Variants in AXIN1 observed in about 807,000 individuals in gnomAD.
AXIN1 encodes the protein axin 1.
In AXIN1, 30 loss-of-function variants were observed where a neutral mutation model predicts 76.4. The observed-to-expected ratio is 0.39, with a 90% CI of 0.29 to 0.53. The LOEUF is 0.53. Ranked by LOEUF, AXIN1 falls within the 20% of genes least tolerant of loss-of-function variation. The pLI is 0.66. For missense variants in AXIN1, 1,140 were observed against 1,198.8 expected (o/e 0.95, Z 0.72); for synonymous variants, 545 against 501.4 (o/e 1.09, Z -1.16).
chr16:320,940 G>A lies in AXIN1; in HGVS notation c.879-6257C>T, dbSNP rs113204824. 2.7e-3 allele frequency among the ~76,000 whole-genome samples: 409 copies of A among 151,892 alleles called. 1 individual carries two copies. Among genetic ancestry groups the A allele is most frequent in the Non-Finnish European group, 2.5e-3 (170 of 67,956 alleles). Reference sequence around the variant, plus strand: ...TTTTTAGTAGAGACAAGGTTTCGCCGTGTTGGTCAGGCTGGTCTCGAACGC... The same window carrying A: ...TTTTTAGTAGAGACAAGGTTTCGCCATGTTGGTCAGGCTGGTCTCGAACGC... On this transcript the variant is annotated intron_variant, in intron 2 of 10. Transcript: ENST00000262320.
intron 8 of AXIN1, chr16:292,651 T>C (rs1297921370): frequency 2.0e-5 from 3 of 152,216 alleles, no homozygotes; most frequent in African/African-American, 7.2e-5. Context: ...GGGTGAGCTA[T>C]AGGCTCCCAG....
At chr16:307,008 C>A (rs893381925) in intron 4 of AXIN1, among the ~76,000 whole-genome samples, 1 of 152,234 alleles carries the variant, frequency 6.6e-6, no homozygotes, top group African/African-American at 2.4e-5. Flanking sequence ...GGGGGCCATG[C>A]TGGCTTTTCC....
chr16:315,211 G>T (rs1230744139), intron 2 of AXIN1, among the ~76,000 whole-genome samples: 2 of 152,208 alleles, frequency 1.3e-5, no homozygotes, highest in African/African-American at 4.8e-5. Context: ...TTCCTCCCCA[G>T]CTCCTGGGAC....
At position 291,297 on chromosome 16, in the gene AXIN1, C is replaced by T. The variant is rs577046525; in HGVS notation, c.2187G>A (p.Arg729=). The T allele has an allele frequency of 8.9e-6, 14 of 1,574,954 alleles. No individual in the cohort carries two copies. The highest frequency in any genetic ancestry group is 5.4e-5 in the African/African-American group (4 of 74,626). Residue 729 remains arginine (R), a splice_region_variant and synonymous_variant, in exon 9 of 11, where the codon AGG becomes AGA. Transcript: ENST00000262320. ...CCCGCCGCATAACCTCCTGCACATA[C>T]CTAGGGAACAACCCGCGTCAAAGGT... ...KRASRAPSKQ[R]YVQEVMRRGR...
At chr16:288,889 A>G (rs899005295) in intron 10 of AXIN1, among the ~76,000 whole-genome samples, 9 of 152,224 alleles carry the variant, frequency 5.9e-5, no homozygotes, top group Admixed American at 4.6e-4. Context: ...CACAAGGTTC[A>G]GACCATCGTC....
Position 309,396 on chromosome 16 carries a change from G to A in AXIN1, c.1116+577C>T, listed in dbSNP as rs189318971. Among the ~76,000 whole-genome samples, 21 of 152,260 alleles carry A rather than the reference G, an allele frequency of 1.4e-4. No homozygotes were observed. In the East Asian group the frequency reaches 2.7e-3, roughly 20 times the overall value. On this transcript the variant is annotated intron_variant, in intron 4 of 10. Coordinates refer to ENST00000262320, the MANE Select transcript of AXIN1 (RefSeq NM_003502.4). Reference sequence around the variant, plus strand: ...AAAGATCATTAATCTGTTCATCAGCGCAGGAATGCTCTGTAGACGGAGTCA... The same window carrying A: ...AAAGATCATTAATCTGTTCATCAGCACAGGAATGCTCTGTAGACGGAGTCA...
intron 8 of AXIN1, 108 bp from the exon 9 acceptor site, chr16:291,405 G>A (rs774622347): frequency 5.6e-5 from 52 of 931,022 alleles, no homozygotes; most frequent in Middle Eastern, 6.0e-4. Context: ...TGAAGGGCCC[G>A]AACAACCCAC....
chr16:309,733 G>A (rs2053124906), intron 4 of AXIN1, among the ~76,000 whole-genome samples: 1 of 152,216 alleles, frequency 6.6e-6, no homozygotes, highest in South Asian at 2.1e-4. Context: ...TGGCCTTGGG[G>A]CATGGGGGCT....
chr16:306,665 G>A (rs1459391178), intron 4 of AXIN1, among the ~76,000 whole-genome samples: 1 of 152,260 alleles, frequency 6.6e-6, no homozygotes, highest in African/African-American at 2.4e-5. Context: ...GAGGCTCAGA[G>A]AGAGGCTGGC....
Position 309,985 on chromosome 16 carries a change from TA to T in AXIN1, c.1103del (p.Leu368HisfsTer46). 1 of 1,613,382 alleles carries T rather than the reference TA, an allele frequency of 6.2e-7. No homozygotes were observed. Among genetic ancestry groups the T allele is most frequent in the Non-Finnish European group, 8.5e-7 (1 of 1,179,968 alleles). On this transcript the variant is annotated frameshift_variant, in exon 4 of 11. Coordinates refer to ENST00000262320, the MANE Select transcript of AXIN1 (RefSeq NM_003502.4). LOFTEE classifies it high-confidence loss of function. ...ESVQVNGRVP[L>X]PHIPRTYRVP... is the part of the protein sequence containing the mutation. ...AGCCGGTACTTACGGGAATGTGAGG[TA>T]GGGGCACCCGCCCATTGACCTGCAC...
rs2141459707 is a variant in AXIN1 at position 288,195 on chromosome 16, T to A, written c.2516A>T (p.Glu839Val). The change falls in exon 11 of 11, where the codon GAG becomes GTG. Residue 839 changes from glutamate to valine, a missense_variant. Transcript: ENST00000262320. Reference protein sequence around the residue: ...DEFDCGVVFEEVREDEAVLPV... With the variant: ...DEFDCGVVFEVVREDEAVLPV... ...CAGGACGGCCTCGTCCTCTCGAACC[T>A]CCTCAAACACCACCCCACAGTCAAA... The A allele has an allele frequency of 6.2e-7, 1 of 1,613,698 alleles. No homozygotes were observed. The highest frequency in any genetic ancestry group is 8.5e-7 in the Non-Finnish European group (1 of 1,179,988).
chr16:310,844 C>T (rs887547062), intron 3 of AXIN1, among the ~76,000 whole-genome samples: 2 of 152,230 alleles, frequency 1.3e-5, no homozygotes, highest in African/African-American at 4.8e-5. Flanking sequence ...GTGCAGTGTG[C>T]CTGCCTTGGA....
chr16:314,490 C>T (rs1242648506), intron 3 of AXIN1, 53 bp downstream of exon 3: 5 of 1,609,956 alleles, frequency 3.1e-6, no homozygotes, highest in Admixed American at 3.3e-5. Flanking sequence ...TGTCTGGGAC[C>T]GGACTTACAC....
intron 2 of AXIN1, among the ~76,000 whole-genome samples, chr16:317,828 G>C (rs2053338206): frequency 6.6e-6 from 1 of 152,172 alleles, no homozygotes. Flanking sequence ...AACCACTGCA[G>C]CCAACCTCAG....
chr16:321,874 C>A (rs1040749211), intron 2 of AXIN1, among the ~76,000 whole-genome samples: 2 of 152,220 alleles, frequency 1.3e-5, no homozygotes, highest in African/African-American at 4.8e-5. Flanking sequence ...TTGACGGGCA[C>A]CCTGAATGCT....
At chr16:303,812 A>G (rs1266318257) in intron 5 of AXIN1, among the ~76,000 whole-genome samples, 1 of 152,208 alleles carries the variant, frequency 6.6e-6, no homozygotes, top group African/African-American at 2.4e-5. Flanking sequence ...GTCCTACAAC[A>G]CAAGTGCCTA....
rs150504240 is a variant in AXIN1 at position 293,543 on chromosome 16, G to T, written c.2131C>A (p.Arg711Ser). 6.2e-7 allele frequency: 1 copy of T among 1,611,494 alleles called. No individual in the cohort carries two copies. The highest frequency in any genetic ancestry group is 8.5e-7 in the Non-Finnish European group (1 of 1,179,988). The part of the protein sequence containing the change: ...PNPLTQLEEA[R>S]RRLEEEEKRA... The stretch of plus-strand genomic sequence containing the variant: ...TTTTCTTCCTCCTCCAGACGTCGGC[G>T]CGCCTCCTCCAGCTGGGTTAGGGGG... The change falls in exon 8 of 11, where the codon CGC (arginine) becomes AGC (serine). Residue 711 changes from arginine (R) to serine (S), a missense_variant. This residue lies in a region of AXIN1 where 429 missense variants were observed against 405.8 expected (regional missense o/e 1.06). Transcript: ENST00000262320. The surrounding 1 kb of genome is among the most constrained non-coding windows in gnomAD (Gnocchi z 4.6).
intron 1 of AXIN1, among the ~76,000 whole-genome samples, chr16:350,735 T>A (rs2054126139): frequency 6.6e-6 from 1 of 152,240 alleles, no homozygotes; most frequent in Non-Finnish European, 1.5e-5. Context: ...GCTTAGCTTT[T>A]CTGAAACTAG....
At chr16:288,360 G>A (rs750214893) in intron 10 of AXIN1, 112 bp from the exon 11 acceptor site, 3 of 1,491,702 alleles carry the variant, frequency 2.0e-6, no homozygotes, top group Non-Finnish European at 2.8e-6. Context: ...TCCTGTCCAT[G>A]CCCCACGGCC....
Sources: allele counts gnomAD v4.1 joint callset (sites outside exome capture counted in the v4.1 genomes callset), GRCh38; gene constraint gnomAD v4.1.1; regional missense constraint gnomAD v4.1.1; non-coding constraint Gnocchi (gnomAD v3.1); transcripts MANE v1.5; gene names NCBI Gene and HGNC (gene_info 2026-07-23, HGNC 2026-07-21).